The following NTM variants were observed in gnomAD, a reference collection of about 807,000 sequenced individuals.
The protein encoded by NTM is neurotrimin.
A neutral mutation model predicts 42.1 loss-of-function variants in NTM; 13 were observed. That is an observed-to-expected ratio of 0.31 (90% CI 0.20 to 0.49). NTM has a LOEUF of 0.49. Ranked by LOEUF, NTM falls within the 20% of genes least tolerant of loss-of-function variation. NTM has a pLI of 0.99. For synonymous variants in NTM, 187 were observed against 179.2 expected, an observed-to-expected ratio of 1.04 and a Z score of -0.35; for missense variants, 373 against 452.8, an observed-to-expected ratio of 0.82 and a Z score of 1.60.
chr11:132,277,555 T>C (rs146933523), intron 4 of NTM, among the ~76,000 whole-genome samples: 115 of 152,332 alleles, frequency 7.5e-4, no homozygotes, highest in Middle Eastern at 6.8e-3. Context: ...ACAGAGTTGG[T>C]TCTCAAAAAA....
chr11:132,058,196 G>C lies in NTM; in HGVS notation c.168-88086G>C, dbSNP rs138910050. ...TCTGGATTGAACCCATCTCTGTAAC[G>C]CTGAATGACCATTTGTCTGCTTGTT... is the stretch of plus-strand genomic sequence containing the variant. On this transcript the variant is annotated intron_variant, in intron 2 of 8. Coordinates refer to ENST00000683400, the MANE Select transcript of NTM (RefSeq NM_001352005.2). 5.8e-3 allele frequency among the ~76,000 whole-genome samples: 880 copies of C among 152,182 alleles called. 15 individuals carry two copies. The highest frequency in any genetic ancestry group is 0.02 in the African/African-American group (841 of 41,518).
chr11:132,121,870 T>G (rs2064893716), intron 2 of NTM, among the ~76,000 whole-genome samples: 1 of 152,240 alleles, frequency 6.6e-6, no homozygotes, highest in African/African-American at 2.4e-5. Flanking sequence ...TAAATATACT[T>G]CTTTGACGAG....
intron 1 of NTM, among the ~76,000 whole-genome samples, chr11:131,448,258 C>T (rs1950218122): frequency 6.6e-6 from 1 of 152,234 alleles, no homozygotes; most frequent in South Asian, 2.1e-4. Context: ...GTCACAGCTG[C>T]ACCATCTTCT....
At chr11:132,147,924 G>A (rs573756794) in intron 3 of NTM, among the ~76,000 whole-genome samples, 5 of 152,262 alleles carry the variant, frequency 3.3e-5, no homozygotes, top group East Asian at 1.9e-4. Flanking sequence ...AGGGGAAGGC[G>A]GAACTTGGGT....
intron 1 of NTM, among the ~76,000 whole-genome samples, chr11:131,640,990 T>A (rs2065061138): frequency 6.6e-6 from 1 of 152,174 alleles, no homozygotes; most frequent in Non-Finnish European, 1.5e-5. Flanking sequence ...AAGGGAATCA[T>A]AGGGATGACA....
At chr11:132,099,209 ACT>A (rs759913189) in intron 2 of NTM, among the ~76,000 whole-genome samples, 2 of 151,416 alleles carry the variant, frequency 1.3e-5, no homozygotes, top group African/African-American at 4.9e-5. Flanking sequence ...GAGCTTGGAA[ACT>A]CTCTCTTGAG....
intron 2 of NTM, among the ~76,000 whole-genome samples, chr11:132,132,252 C>T (rs566009570): frequency 6.6e-5 from 10 of 152,294 alleles, no homozygotes; most frequent in African/African-American, 2.4e-4. Flanking sequence ...ACAGCCCTCT[C>T]CTAACGGCTT....
At chr11:132,280,551 T>A (rs1280692596) in intron 4 of NTM, among the ~76,000 whole-genome samples, 2 of 149,888 alleles carry the variant, frequency 1.3e-5, no homozygotes, top group Admixed American at 1.4e-4. Context: ...AGTGGCATGT[T>A]CTTGGCTCAC....
intron 2 of NTM, among the ~76,000 whole-genome samples, chr11:132,080,370 G>C (rs757246494): frequency 6.6e-6 from 1 of 152,208 alleles, no homozygotes; most frequent in Non-Finnish European, 1.5e-5. Context: ...AGAGCAGACA[G>C]GGCTTATCTT....
intron 2 of NTM, among the ~76,000 whole-genome samples, chr11:132,032,779 G>A (rs1344393335): frequency 6.6e-6 from 1 of 152,156 alleles, no homozygotes; most frequent in South Asian, 2.1e-4. Flanking sequence ...TTTGTAACTA[G>A]GATACAGCAT....
At chr11:131,689,588 C>G (rs1341718694) in intron 1 of NTM, among the ~76,000 whole-genome samples, 1 of 152,208 alleles carries the variant, frequency 6.6e-6, no homozygotes, top group Non-Finnish European at 1.5e-5. Flanking sequence ...CAGTCCTTCA[C>G]AGATGTTCTG....
At chr11:131,457,184 T>G (rs1369440916) in intron 1 of NTM, among the ~76,000 whole-genome samples, 1 of 152,238 alleles carries the variant, frequency 6.6e-6, no homozygotes, top group African/African-American at 2.4e-5. Context: ...CAAAACTAAC[T>G]AGCAAACATA....
At chr11:131,545,011 C>A (rs558051944) in intron 1 of NTM, among the ~76,000 whole-genome samples, 1 of 152,104 alleles carries the variant, frequency 6.6e-6, no homozygotes, top group Non-Finnish European at 1.5e-5. Context: ...CTTCTTTTTA[C>A]GAAAATTTAG....
At chr11:132,310,083 G>T (rs368065157) in intron 5 of NTM, 29 bp from the exon 6 acceptor site, 2 of 1,552,656 alleles carry the variant, frequency 1.3e-6, no homozygotes, top group Non-Finnish European at 8.6e-7. Context: ...AAGGTGGGGG[G>T]GCGGCTATGA....
At chr11:131,646,573 T>C (rs2065799102) in intron 1 of NTM, among the ~76,000 whole-genome samples, 1 of 152,240 alleles carries the variant, frequency 6.6e-6, no homozygotes, top group African/African-American at 2.4e-5. Context: ...GATTTTTTAT[T>C]GTGCTCTACC....
intron 2 of NTM, among the ~76,000 whole-genome samples, chr11:131,973,645 C>T (rs780719884): frequency 1.4e-4 from 22 of 152,176 alleles, no homozygotes; most frequent in Non-Finnish European, 2.9e-5. Flanking sequence ...GGGGAAACCC[C>T]GTCTCTACTA....
chr11:132,184,864 G>A (rs900520257), intron 3 of NTM, among the ~76,000 whole-genome samples: 9 of 152,234 alleles, frequency 5.9e-5, no homozygotes, highest in East Asian at 1.9e-4. Context: ...CCTATGCTAC[G>A]GCTTCATGGC....
intron 1 of NTM, among the ~76,000 whole-genome samples, chr11:131,594,354 A>G (rs1357998472): frequency 6.6e-6 from 1 of 152,106 alleles, no homozygotes; most frequent in Non-Finnish European, 1.5e-5. Flanking sequence ...TTCCCCCAAA[A>G]TCTTATGTAA....
intron 1 of NTM, among the ~76,000 whole-genome samples, chr11:131,779,134 A>T (rs144860881): frequency 6.6e-6 from 1 of 152,206 alleles, no homozygotes; most frequent in Non-Finnish European, 1.5e-5. Context: ...CTGACAGCTC[A>T]TAAGATCACA....
Sources: gnomAD v4.1 joint callset for allele counts (sites outside exome capture counted in the v4.1 genomes callset) on GRCh38, gnomAD v4.1.1 for gene constraint, MANE v1.5 for transcripts, NCBI Gene and HGNC (gene_info 2026-07-23, HGNC 2026-07-21) for gene names.